The following FMNL2 variants were observed in gnomAD, a reference collection of about 807,000 sequenced individuals.
The protein encoded by FMNL2 is formin like 2, also known as formin-like protein 2.
A neutral mutation model predicts 130.2 loss-of-function variants in FMNL2; 51 were observed. The ratio of observed to expected loss-of-function variants is 0.39; its 90% confidence interval spans 0.31 to 0.49. FMNL2 has a LOEUF of 0.49. FMNL2 is among the 20% of genes least tolerant of loss of function. The pLI is 0.85. For missense variants in FMNL2, 977 were observed against 1,316.2 expected (o/e 0.74, Z 3.99); for synonymous variants, 465 against 467.1 (o/e 1.00, Z 0.06).
intron 4 of FMNL2, among the ~76,000 whole-genome samples, chr2:152,554,498 T>C (rs899512652): frequency 6.6e-6 from 1 of 152,218 alleles, no homozygotes; most frequent in African/African-American, 2.4e-5. Flanking sequence ...TGTTGGTCAT[T>C]TGGAAGATCA....
chr2:152,586,717 G>C (rs1206146677), intron 9 of FMNL2, among the ~76,000 whole-genome samples: 3 of 152,162 alleles, frequency 2.0e-5, no homozygotes, highest in Non-Finnish European at 2.9e-5. Flanking sequence ...AATTAACCAA[G>C]ATTCTTCTTG....
At chr2:152,429,799 T>TTG in intron 1 of FMNL2, among the ~76,000 whole-genome samples, 1 of 152,324 alleles carries the variant, frequency 6.6e-6, no homozygotes, top group East Asian at 1.9e-4. Context: ...GCCATGAACG[T>TTG]TACACTAAGC....
intron 7 of FMNL2, among the ~76,000 whole-genome samples, chr2:152,575,692 T>G (rs370548378): frequency 6.6e-6 from 1 of 152,184 alleles, no homozygotes; most frequent in East Asian, 1.9e-4. Flanking sequence ...TGAATGCTTG[T>G]GACTACTAAA....
At chr2:152,433,622 G>A (rs1055741084) in intron 1 of FMNL2, among the ~76,000 whole-genome samples, 1 of 152,182 alleles carries the variant, frequency 6.6e-6, no homozygotes, top group African/African-American at 2.4e-5. Context: ...TTGGGTGAGA[G>A]ATGACAGAGG....
chr2:152,527,460 TA>T (rs1693450707), intron 2 of FMNL2, among the ~76,000 whole-genome samples: 1 of 152,200 alleles, frequency 6.6e-6, no homozygotes, highest in African/African-American at 2.4e-5. Context: ...GGAAAAAGAT[TA>T]TTTTCTAATC....
chr2:152,427,345 G>A (rs539938217), intron 1 of FMNL2, among the ~76,000 whole-genome samples: 2 of 152,186 alleles, frequency 1.3e-5, no homozygotes, highest in African/African-American at 4.8e-5. Flanking sequence ...TCAGGAGTTC[G>A]AGACCAGCCT....
chr2:152,562,125 G>A (rs1222173755), intron 6 of FMNL2, among the ~76,000 whole-genome samples: 1 of 152,184 alleles, frequency 6.6e-6, no homozygotes, highest in Non-Finnish European at 1.5e-5. Flanking sequence ...TCCTGCCTAT[G>A]AGGACAGAGA....
In FMNL2 at chr2:152,335,646, A is replaced by G. The variant is rs1233596056; in HGVS notation, c.43A>G (p.Arg15Gly). 2 of 1,593,366 alleles carry G rather than the reference A, an allele frequency of 1.3e-6. No homozygotes were observed. Among genetic ancestry groups the G allele is most frequent in the East Asian group, 4.7e-5 (2 of 42,302 alleles). The change falls in exon 1 of 26, where the codon AGG becomes GGG. Residue 15 changes from arginine (R) to glycine (G), a missense_variant. By Grantham distance (125) the Arg-to-Gly change is moderately radical (BLOSUM62 -2). Coordinates refer to ENST00000288670, the MANE Select transcript of FMNL2 (RefSeq NM_052905.4). ...GSMDSQQTDF[R>G]AHNVPLKLPM... Reference sequence around the variant, plus strand: ...CATGGATTCGCAGCAGACCGATTTCAGGGCGCACAACGTGCCTTTGAAGCT... The same window carrying G: ...CATGGATTCGCAGCAGACCGATTTCGGGGCGCACAACGTGCCTTTGAAGCT...
chr2:152,389,332 G>A (rs1287194703), intron 1 of FMNL2, among the ~76,000 whole-genome samples: 1 of 152,194 alleles, frequency 6.6e-6, no homozygotes, highest in Admixed American at 6.5e-5. Flanking sequence ...TCATATAGCA[G>A]AAAGGATAAG....
At chr2:152,606,207 A>AC (rs1698349123) in intron 9 of FMNL2, among the ~76,000 whole-genome samples, 1 of 152,242 alleles carries the variant, frequency 6.6e-6, no homozygotes, top group African/African-American at 2.4e-5. Context: ...TCACAAATGG[A>AC]ATCAGAAAAT....
intron 20 of FMNL2, 25 bp downstream of exon 20, chr2:152,629,930 G>C (rs1467395706): frequency 7.6e-6 from 12 of 1,581,014 alleles, no homozygotes; most frequent in African/African-American, 1.3e-5. Context: ...AGAAATTTGA[G>C]AGCTGTTTGA....
chr2:152,572,119 G>T (rs1696203050), intron 6 of FMNL2, among the ~76,000 whole-genome samples: 1 of 151,994 alleles, frequency 6.6e-6, no homozygotes, highest in African/African-American at 2.4e-5. Context: ...GGAGGGATTT[G>T]GTCTCATCAC....
intron 1 of FMNL2, among the ~76,000 whole-genome samples, chr2:152,375,556 G>A (rs149233881): frequency 1.3e-5 from 2 of 152,224 alleles, no homozygotes; most frequent in Non-Finnish European, 2.9e-5. Context: ...AGGTCTTTCT[G>A]ATACCTCATC....
chr2:152,465,631 C>T (rs1355969346), intron 1 of FMNL2, among the ~76,000 whole-genome samples: 1 of 152,184 alleles, frequency 6.6e-6, no homozygotes, highest in African/African-American at 2.4e-5. Flanking sequence ...GTGGATATAT[C>T]CCCACCCCCC....
At chr2:152,582,753 C>T (rs1198342318) in intron 9 of FMNL2, among the ~76,000 whole-genome samples, 1 of 152,134 alleles carries the variant, frequency 6.6e-6, no homozygotes, top group Non-Finnish European at 1.5e-5. Context: ...ATGTGCAGCT[C>T]ATATAACGCC....
intron 1 of FMNL2, among the ~76,000 whole-genome samples, chr2:152,338,850 C>CAT (rs1681637512): frequency 6.8e-6 from 1 of 147,542 alleles, no homozygotes; most frequent in African/African-American, 2.6e-5. Context: ...CACACACACA[C>CAT]ACATATATGC....
At chr2:152,390,781 A>G (rs1215571660) in intron 1 of FMNL2, among the ~76,000 whole-genome samples, 1 of 152,212 alleles carries the variant, frequency 6.6e-6, no homozygotes, top group Non-Finnish European at 1.5e-5. Flanking sequence ...CATCAGGAGA[A>G]AGGCTGGGGC....
At chr2:152,522,198 T>C (rs996461245) in intron 2 of FMNL2, among the ~76,000 whole-genome samples, 172 bp downstream of exon 2, 4 of 150,752 alleles carry the variant, frequency 2.7e-5, no homozygotes, top group Admixed American at 6.6e-5. Context: ...GTGTGGATCT[T>C]CTTTGGATCC....
intron 23 of FMNL2, 48 bp downstream of exon 23, chr2:152,637,722 C>T: frequency 6.6e-7 from 1 of 1,522,996 alleles, no homozygotes; most frequent in Non-Finnish European, 9.1e-7. Context: ...CAATTGCCCT[C>T]CTTGAGATGT....
Sources: gnomAD v4.1 joint callset for allele counts (sites outside exome capture counted in the v4.1 genomes callset) on GRCh38, gnomAD v4.1.1 for gene constraint, MANE v1.5 for transcripts, NCBI Gene and HGNC (gene_info 2026-07-23, HGNC 2026-07-21) for gene names.